The following ATL2 variants were observed in gnomAD, a reference collection of about 807,000 sequenced individuals.
ATL2 encodes the protein atlastin GTPase 2.
A neutral mutation model predicts 73.9 loss-of-function variants in ATL2; 31 were observed. That is an observed-to-expected ratio of 0.42 (90% confidence interval 0.32 to 0.57). ATL2 has a LOEUF of 0.57. Ranked by LOEUF, ATL2 falls within the 20% of genes least tolerant of loss-of-function variation. The pLI is 0.14. For missense variants in ATL2, 738 were observed against 702.6 expected (o/e 1.05, Z -0.57); for synonymous variants, 291 against 237.5 (o/e 1.23, Z -2.07).
intron 2 of ATL2, among the ~76,000 whole-genome samples, chr2:38,324,462 A>T (rs917069597): frequency 2.0e-5 from 3 of 152,226 alleles, no homozygotes; most frequent in Admixed American, 2.0e-4. Flanking sequence ...CATTCTAACC[A>T]CCAATTGTAT....
rs1670992805 is a variant in ATL2 at position 38,361,148 on chromosome 2, T to A, written c.118+15995A>T. Among the ~76,000 whole-genome samples, 3 of 151,664 alleles carry A rather than the reference T, an allele frequency of 2.0e-5. No individual in the cohort carries two copies. The South Asian group carries it at 6.2e-4, about 32-fold the overall frequency. ...GCAGGTGGATCACGAGGTCAGGAGA[T>A]CGAGACCATCCTGGCTAACGTGGTG... On this transcript the variant is annotated intron_variant, in intron 1 of 12. Coordinates refer to ENST00000378954, the MANE Select transcript of ATL2 (RefSeq NM_001135673.4).
chr2:38,377,501 G>C (rs149303319), upstream of ATL2, among the ~76,000 whole-genome samples: 28 of 134,584 alleles, frequency 2.1e-4, no homozygotes, highest in Admixed American at 4.7e-4. Context: ...CCGTCTCCCC[G>C]GCTCCAAGTT....
upstream of ATL2, among the ~76,000 whole-genome samples, chr2:38,377,574 C>T (rs1558471381): frequency 6.6e-6 from 1 of 152,114 alleles, no homozygotes; most frequent in Non-Finnish European, 1.5e-5. Flanking sequence ...CCTCCCTGAG[C>T]TCAGCACCAC....
Position 38,356,136 on chromosome 2 carries a change from A to T in ATL2, c.119-12624T>A, listed in dbSNP as rs547657627. On this transcript the variant is annotated intron_variant, in intron 1 of 12. Coordinates refer to ENST00000378954, the MANE Select transcript of ATL2 (RefSeq NM_001135673.4). ...ATTTTAAGTTTTCTAAGTCACATTTAAAAAAAATCATTTAAATAATATTTT... is the reference window on the plus strand; with the variant it reads ...ATTTTAAGTTTTCTAAGTCACATTTTAAAAAAATCATTTAAATAATATTTT... Among the ~76,000 whole-genome samples, 27 of 152,140 alleles carry T rather than the reference A, an allele frequency of 1.8e-4. 1 individual carries two copies. Among genetic ancestry groups the T allele is most frequent in the African/African-American group, 4.6e-4 (19 of 41,496 alleles).
At chr2:38,366,197 T>G (rs555536224) in intron 1 of ATL2, among the ~76,000 whole-genome samples, 2 of 152,082 alleles carry the variant, frequency 1.3e-5, no homozygotes, top group Admixed American at 6.6e-5. Context: ...ACAGGATTCC[T>G]TGTAGTAAAT....
At position 38,377,241 on chromosome 2, in the gene ATL2, G is replaced by A. The variant is rs748506445; in HGVS notation, c.20C>T (p.Ala7Val). Residue 7 changes from alanine to valine, a missense_variant, in exon 1 of 13, where the codon GCA becomes GTA. By Grantham distance (64) the Ala-to-Val change is moderately conservative. Transcript: ENST00000378954. MAEGDEAARGQQPHQGL... is the reference protein window; with the variant it reads MAEGDEVARGQQPHQGL... Reference sequence around the variant, plus strand: ...CTGGTGCGGTTGCTGCCCTCGCGCTGCCTCGTCCCCCTCCGCCATCTTGTA... The same window carrying A: ...CTGGTGCGGTTGCTGCCCTCGCGCTACCTCGTCCCCCTCCGCCATCTTGTA... 1.9e-6 allele frequency: 3 copies of A among 1,596,008 alleles called. No homozygotes were observed. Among genetic ancestry groups the A allele is most frequent in the Non-Finnish European group, 2.6e-6 (3 of 1,172,138 alleles).
intron 1 of ATL2, among the ~76,000 whole-genome samples, chr2:38,347,513 A>C (rs1320042359): frequency 6.6e-6 from 1 of 152,148 alleles, no homozygotes; most frequent in Non-Finnish European, 1.5e-5. Context: ...TTAACACTTT[A>C]ATGAAACAGG....
At chr2:38,331,372 G>A (rs1452556507) in intron 2 of ATL2, among the ~76,000 whole-genome samples, 2 of 148,740 alleles carry the variant, frequency 1.3e-5, no homozygotes, top group East Asian at 4.0e-4. Context: ...GGAGGCAGAA[G>A]TTGCAGTGAG....
chr2:38,343,536 T>A, intron 1 of ATL2, 24 bp from the exon 2 acceptor site: 1 of 1,591,776 alleles, frequency 6.3e-7, no homozygotes, highest in Non-Finnish European at 8.6e-7. Flanking sequence ...AGAAAGAAAC[T>A]GGTTACTTTA....
intron 2 of ATL2, among the ~76,000 whole-genome samples, chr2:38,338,082 C>A (rs1027341130): frequency 3.9e-5 from 6 of 152,106 alleles, no homozygotes; most frequent in African/African-American, 1.4e-4. Context: ...CCTACAGACA[C>A]TGGAATAATC....
chr2:38,295,999 C>G lies in ATL2; in HGVS notation c.1747G>C (p.Asp583His), dbSNP rs1205011370. Reference protein sequence around the residue: ...QVSHHARLKTD With the variant: ...QVSHHARLKTH ...GTCCGTGAGGAGATGAACTGTCAGT[C>G]TGTCTTTAATCTGGCATGATGAGAC... Residue 583 changes from aspartate (D) to histidine (H), a missense_variant, in exon 13 of 13, where the codon GAC becomes CAC. Coordinates refer to ENST00000378954, the MANE Select transcript of ATL2 (RefSeq NM_001135673.4). 4 of 1,546,492 alleles carry G rather than the reference C, an allele frequency of 2.6e-6. No homozygotes were observed. The South Asian group carries it at 4.8e-5, about 18-fold the overall frequency.
chr2:38,373,845 GTAT>G (rs1671818505), intron 1 of ATL2, among the ~76,000 whole-genome samples: 1 of 152,072 alleles, frequency 6.6e-6, no homozygotes, highest in African/African-American at 2.4e-5. Context: ...TATCTACCAA[GTAT>G]TATCCTATTG....
At chr2:38,376,923 G>C (rs1419193052) in intron 1 of ATL2, among the ~76,000 whole-genome samples, 3 of 150,818 alleles carry the variant, frequency 2.0e-5, no homozygotes, top group Non-Finnish European at 4.4e-5. Flanking sequence ...TCTCCCAGCA[G>C]CTACTGGAGC....
chr2:38,310,720 C>T (rs1453773840), intron 7 of ATL2, among the ~76,000 whole-genome samples: 1 of 151,296 alleles, frequency 6.6e-6, no homozygotes, highest in African/African-American at 2.4e-5. Flanking sequence ...TCACCGCAAC[C>T]TCCGCCTCCC....
chr2:38,296,779 T>G, intron 12 of ATL2: 7 of 1,542,756 alleles, frequency 4.5e-6, no homozygotes, highest in Middle Eastern at 1.7e-4. Context: ...ACTAGCTGAT[T>G]ACCTTACCTA....
At chr2:38,376,023 C>T in intron 1 of ATL2, 1 of 1,324,980 alleles carries the variant, frequency 7.5e-7, no homozygotes, top group South Asian at 2.2e-5. Context: ...ACATTTTATC[C>T]AGCAAAACCT....
chr2:38,303,609 A>T lies in ATL2; in HGVS notation c.1072-3281T>A, dbSNP rs1277080196. ...GAATGAAAAAGAATGAAGCATGCCT[A>T]CAAGATCTAGAAAATAGCCCCAAAA... is the stretch of plus-strand genomic sequence containing the variant. On this transcript the variant is annotated intron_variant, in intron 9 of 12. Coordinates refer to ENST00000378954, the MANE Select transcript of ATL2 (RefSeq NM_001135673.4). Among the ~76,000 whole-genome samples, 3 of 152,220 alleles carry T rather than the reference A, an allele frequency of 2.0e-5. No homozygotes were observed. The East Asian group carries it at 5.8e-4, about 29-fold the overall frequency.
chr2:38,341,925 C>T (rs372375274), intron 2 of ATL2, among the ~76,000 whole-genome samples: 4 of 152,132 alleles, frequency 2.6e-5, no homozygotes, highest in African/African-American at 7.2e-5. Context: ...AGACAATTAC[C>T]TAATTCTGTC....
chr2:38,375,888 G>A (rs1671931921), intron 1 of ATL2, among the ~76,000 whole-genome samples: 1 of 152,084 alleles, frequency 6.6e-6, no homozygotes, highest in African/African-American at 2.4e-5. Context: ...TCTTCCCTTA[G>A]CAAAACTCCA....
Sources: gnomAD v4.1 joint callset for allele counts (sites outside exome capture counted in the v4.1 genomes callset) on GRCh38, gnomAD v4.1.1 for gene constraint, MANE v1.5 for transcripts, NCBI Gene and HGNC (gene_info 2026-07-23, HGNC 2026-07-21) for gene names.